The following KIF26A variants were observed in gnomAD, a reference collection of about 807,000 sequenced individuals.
KIF26A encodes kinesin-like protein KIF26A.
A neutral mutation model predicts 126.0 loss-of-function variants in KIF26A; 74 were observed. The observed-to-expected ratio is 0.59, with a 90% CI of 0.49 to 0.71. KIF26A has a LOEUF of 0.71. Ranked by LOEUF, KIF26A falls within the 30% of genes least tolerant of loss-of-function variation. KIF26A has a pLI of 0.00. For missense variants in KIF26A, 2,984 were observed against 2,763.3 expected (o/e 1.08, Z -1.79); for synonymous variants, 1,445 against 1,232.7 (o/e 1.17, Z -3.61).
chr14:104,176,199 G>T lies in KIF26A; in HGVS notation c.3411G>T (p.Ser1137=). 6.2e-7 allele frequency: 1 copy of T among 1,600,574 alleles called. No individual in the cohort carries two copies. Residue 1137 remains serine (S), a synonymous_variant, in exon 12 of 15, where the codon TCG becomes TCT. Coordinates refer to ENST00000423312, the MANE Select transcript of KIF26A (RefSeq NM_015656.2). ...CGCAGCCCCGCTTCAGCCCCGACTC[G>T]CTGGCAGGGCTTGACCCTGGGGGCC... ...PTPQPRFSPD[S]LAGLDPGGPP...
In KIF26A at chr14:104,176,013, C is replaced by T. The variant is rs2038020274; in HGVS notation, c.3225C>T (p.Ile1075=). Residue 1075 remains isoleucine (I), a synonymous_variant, in exon 12 of 15, where the codon ATC becomes ATT. Transcript: ENST00000423312. ...CCTCGGGGTCCCGGCCAGTCAGCATCATCAGCAGCATCAATGATGAGTTTG... is the reference window on the plus strand; with the variant it reads ...CCTCGGGGTCCCGGCCAGTCAGCATTATCAGCAGCATCAATGATGAGTTTG... ...ALASGSRPVS[I]ISSINDEFDA... The T allele has an allele frequency of 1.3e-6, 2 of 1,589,822 alleles. No homozygotes were observed. Among genetic ancestry groups the T allele is most frequent in the Non-Finnish European group, 1.7e-6 (2 of 1,174,048 alleles).
Position 104,179,513 on chromosome 14 carries a change from G to A in KIF26A, c.5468-96G>A. 2.8e-6 allele frequency: 4 copies of A among 1,430,924 alleles called. No individual in the cohort carries two copies. The South Asian group carries it at 4.4e-5, about 16-fold the overall frequency. The allele number at this position is 1,430,924 out of a possible 1,614,324, so 88.6% of individuals were successfully genotyped here. On this transcript the variant is annotated intron_variant, in intron 14 of 14. Transcript: ENST00000423312. ...AAGGCTGGAAGGCAGGGTCGGCCGG[G>A]CCAAGATGCCTTTCCTGGGGCCTCT... is the stretch of plus-strand genomic sequence containing the variant.
intron 4 of KIF26A, among the ~76,000 whole-genome samples, chr14:104,164,360 G>A (rs1184866403): frequency 6.6e-6 from 1 of 152,182 alleles, no homozygotes; most frequent in African/African-American, 2.4e-5. Flanking sequence ...CTGGCCTCTG[G>A]CCCGCGTGGG....
chr14:104,173,467 G>T lies in KIF26A; in HGVS notation c.1821G>T (p.Thr607=), dbSNP rs779539835. Residue 607 remains threonine (T), a synonymous_variant, in exon 9 of 15, where the codon ACG becomes ACT. Transcript: ENST00000423312. ...DARRSSHMLF[T]LHVYQYRMEK... ...GACGCAGCTCCCACATGTTGTTCAC[G>T]CTGCACGTCTACCAGTACCGCATGG... The T allele has an allele frequency of 6.3e-7, 1 of 1,587,402 alleles. No individual in the cohort carries two copies. Among genetic ancestry groups the T allele is most frequent in the Non-Finnish European group, 8.6e-7 (1 of 1,164,188 alleles).
intron 3 of KIF26A, among the ~76,000 whole-genome samples, chr14:104,153,520 C>T (rs1046967282): frequency 7.5e-6 from 1 of 132,928 alleles, no homozygotes; most frequent in Non-Finnish European, 1.7e-5. Flanking sequence ...AGAGCCGAAC[C>T]CCACCCTTGC....
At chr14:104,143,800 G>A (rs11625649) in intron 2 of KIF26A, among the ~76,000 whole-genome samples, 2,034 of 152,186 alleles carry the variant, frequency 0.013, 53 homozygotes, top group African/African-American at 0.046. Flanking sequence ...CACCCGCCTC[G>A]GGGATCCGCA....
chr14:104,155,399 C>A (rs1489765416), intron 3 of KIF26A, among the ~76,000 whole-genome samples: 1 of 152,164 alleles, frequency 6.6e-6, no homozygotes, highest in East Asian at 1.9e-4. Flanking sequence ...TTAGGAAGCT[C>A]CCCGTGGGGT....
intron 5 of KIF26A, among the ~76,000 whole-genome samples, chr14:104,168,748 G>A (rs1015109663): frequency 1.2e-4 from 18 of 152,330 alleles, no homozygotes; most frequent in Non-Finnish European, 1.5e-4. Flanking sequence ...TCTGTCCTCC[G>A]GAGGCGACAT....
chr14:104,163,328 G>A (rs528102014), intron 4 of KIF26A, among the ~76,000 whole-genome samples: 13 of 152,308 alleles, frequency 8.5e-5, no homozygotes, highest in Middle Eastern at 3.4e-3. Flanking sequence ...GCTTCCCAGC[G>A]TTCCCCTCTG....
intron 4 of KIF26A, among the ~76,000 whole-genome samples, chr14:104,158,558 T>C (rs1266157029): frequency 6.6e-6 from 1 of 152,166 alleles, no homozygotes; most frequent in Non-Finnish European, 1.5e-5. Flanking sequence ...TGGGGGACCA[T>C]GTCTGACATC....
At chr14:104,165,183 TTCTG>T (rs1489262426) in intron 4 of KIF26A, among the ~76,000 whole-genome samples, 1 of 146,720 alleles carries the variant, frequency 6.8e-6, no homozygotes, top group Non-Finnish European at 1.5e-5. Flanking sequence ...GTGTCTGTGT[TTCTG>T]TATGCATGTG....
intron 2 of KIF26A, among the ~76,000 whole-genome samples, chr14:104,140,028 T>G (rs545013956): frequency 7.2e-5 from 11 of 151,890 alleles, no homozygotes; most frequent in African/African-American, 2.7e-4. Context: ...TGGGGGCGGG[T>G]GGGGGTCTCC....
chr14:104,147,413 C>A (rs2037690037), intron 2 of KIF26A, among the ~76,000 whole-genome samples: 1 of 152,206 alleles, frequency 6.6e-6, no homozygotes, highest in Admixed American at 6.5e-5. Context: ...CCGCTCCCTC[C>A]CCTCCCAGCA....
At chr14:104,160,639 G>A (rs905642226) in intron 4 of KIF26A, among the ~76,000 whole-genome samples, 2 of 152,142 alleles carry the variant, frequency 1.3e-5, no homozygotes, top group African/African-American at 4.8e-5. Flanking sequence ...GGAGTTCTCC[G>A]AAGGCTCTGG....
intron 3 of KIF26A, among the ~76,000 whole-genome samples, chr14:104,154,636 G>A (rs1304060494): frequency 6.6e-6 from 1 of 152,340 alleles, no homozygotes; most frequent in South Asian, 2.1e-4. Flanking sequence ...CAGTGGTCAT[G>A]GGGCCCACCC....
In KIF26A at chr14:104,152,531, C is replaced by T; in HGVS notation, c.735+70C>T. 2 of 1,421,076 alleles carry T rather than the reference C, an allele frequency of 1.4e-6. No homozygotes were observed. Among genetic ancestry groups the T allele is most frequent in the Non-Finnish European group, 9.4e-7 (1 of 1,069,346 alleles). 88.0% of individuals were successfully genotyped at this position (1,421,076 alleles called of 1,614,324 possible). A position where few individuals can be genotyped will look rare whatever the true frequency, so the allele number is the denominator to read the frequency against. On this transcript the variant is annotated intron_variant, in intron 3 of 14. Coordinates refer to ENST00000423312, the MANE Select transcript of KIF26A (RefSeq NM_015656.2). This position sits in a 1 kb window ranked among gnomAD's most constrained non-coding sequence, Gnocchi z 5.9. ...AGAACTGGGCTTCCTTCGGGGGTCT[C>T]TGTCCACGTTGAGTGCCCTGCAGTA...
rs745379646 is a variant in KIF26A at position 104,173,417 on chromosome 14, C to T, written c.1771C>T (p.Arg591Ter). 3.2e-6 allele frequency: 5 copies of T among 1,583,990 alleles called. No homozygotes were observed. Among genetic ancestry groups the T allele is most frequent in the Non-Finnish European group, 3.4e-6 (4 of 1,166,204 alleles). Residue 591 changes from arginine (R) to a stop codon, truncating the protein, a stop_gained, in exon 9 of 15, where the codon CGA (arginine) becomes TGA (stop). Coordinates refer to ENST00000423312, the MANE Select transcript of KIF26A (RefSeq NM_015656.2). LOFTEE classifies it high-confidence loss of function. ...DAALAARSTS[R>*]AGCGEDARRS... ...GGCCCTGGCGGCCCGCAGCACCAGC[C>T]GAGCGGGCTGTGGCGAGGACGCCCG... is the stretch of plus-strand genomic sequence containing the variant.
chr14:104,175,455 C>T lies in KIF26A; in HGVS notation c.2667C>T (p.Ala889=), dbSNP rs2487305. Residue 889 remains alanine (A), a synonymous_variant, in exon 12 of 15, where the codon GCC becomes GCT. Transcript: ENST00000423312. ...CAGAGGCTGCATCCCCCAGGAAGGC[C>T]GTGGGCACCCCGATGGCTGCCAGCA... ...SPPEAASPRK[A]VGTPMAASTP... 550,301 of 1,589,396 alleles carry T rather than the reference C, an allele frequency of 0.35. 100,103 individuals carry two copies. The highest frequency in any genetic ancestry group is 0.64 in the African/African-American group (47,502 of 74,762).
chr14:104,179,638 T>A lies in KIF26A; in HGVS notation c.5497T>A (p.Ser1833Thr), dbSNP rs780279396. 37 of 1,540,642 alleles carry A rather than the reference T, an allele frequency of 2.4e-5. No individual in the cohort carries two copies. Among genetic ancestry groups the A allele is most frequent in the Non-Finnish European group, 3.1e-5 (35 of 1,142,328 alleles). ...FEVDPELEPE[S>T]AEYLAALERA... ...GGTGGACCCGGAGCTGGAGCCCGAGTCGGCCGAGTACCTGGCGGCCCTGGA... is the reference window on the plus strand; with the variant it reads ...GGTGGACCCGGAGCTGGAGCCCGAGACGGCCGAGTACCTGGCGGCCCTGGA... The change falls in exon 15 of 15, where the codon TCG (serine) becomes ACG (threonine). Residue 1833 changes from serine (S) to threonine (T), a missense_variant. By Grantham distance (58) the Ser-to-Thr change is moderately conservative. Coordinates refer to ENST00000423312, the MANE Select transcript of KIF26A (RefSeq NM_015656.2).
Sources: gnomAD v4.1 joint callset for allele counts (sites outside exome capture counted in the v4.1 genomes callset) on GRCh38, gnomAD v4.1.1 for gene constraint, Gnocchi (gnomAD v3.1) non-coding constraint, MANE v1.5 for transcripts, NCBI Gene and HGNC (gene_info 2026-07-23, HGNC 2026-07-21) for gene names.